Variants in TRPM7 observed in about 807,000 individuals in gnomAD.
The protein encoded by TRPM7 is transient receptor potential cation channel subfamily M member 7, also known as LTRPC ion channel family member 7.
TRPM7 carries 134 observed loss-of-function variants against 229.7 expected under a neutral mutation model. The observed-to-expected ratio is 0.58, with a 90% CI of 0.51 to 0.67. The LOEUF is 0.67. TRPM7 is among the 30% of genes least tolerant of loss of function. The pLI is 0.00. For missense variants in TRPM7, 1,901 were observed against 2,210.0 expected (o/e 0.86, Z 2.80); for synonymous variants, 699 against 715.2 (o/e 0.98, Z 0.36).
At chr15:50,635,122 C>T (rs1432021421) in intron 7 of TRPM7, among the ~76,000 whole-genome samples, 2 of 151,464 alleles carry the variant, frequency 1.3e-5, no homozygotes, top group African/African-American at 2.4e-5. Flanking sequence ...TCAAGACCAT[C>T]CTGGCTAACA....
chr15:50,575,913 G>C lies in TRPM7; in HGVS notation c.4625C>G (p.Thr1542Ser). ...PSEEGTLNGL[T>S]SPFKPAMDTN... ...ATCCATAGCTGGCTTAAATGGAGAA[G>C]TGAGACCTAGAATGGCAAATAAACA... The change falls in exon 32 of 39, where the codon ACT (threonine) becomes AGT (serine). Residue 1542 changes from threonine to serine, a missense_variant. Transcript: ENST00000646667. 6.2e-7 allele frequency: 1 copy of C among 1,613,234 alleles called. No homozygotes were observed. Among genetic ancestry groups the C allele is most frequent in the African/African-American group, 1.3e-5 (1 of 75,012 alleles).
chr15:50,662,859 G>C, intron 2 of TRPM7, 108 bp downstream of exon 2: 1 of 806,976 alleles, frequency 1.2e-6, no homozygotes, highest in Non-Finnish European at 2.0e-6. Flanking sequence ...AAAAGTAACA[G>C]TAAGTACAAA....
intron 12 of TRPM7, among the ~76,000 whole-genome samples, chr15:50,623,630 A>T (rs1212926813): frequency 6.6e-6 from 1 of 152,040 alleles, no homozygotes. Flanking sequence ...AAAACCACTA[A>T]GAAGGGTAGT....
At chr15:50,683,924 A>G (rs1344750522) in intron 1 of TRPM7, among the ~76,000 whole-genome samples, 2 of 151,598 alleles carry the variant, frequency 1.3e-5, no homozygotes, top group Non-Finnish European at 2.9e-5. Flanking sequence ...TGAATGGCGC[A>G]ATCTTGGCTC....
intron 26 of TRPM7, among the ~76,000 whole-genome samples, chr15:50,590,141 C>G (rs570703333): frequency 1.3e-5 from 2 of 152,248 alleles, no homozygotes; most frequent in East Asian, 3.9e-4. Flanking sequence ...CAGGCCTGAG[C>G]CACCGCACCT....
chr15:50,620,309 A>AT (rs1236019660), intron 12 of TRPM7, among the ~76,000 whole-genome samples: 3 of 144,072 alleles, frequency 2.1e-5, no homozygotes, highest in Non-Finnish European at 4.6e-5. Flanking sequence ...AATTTTTTTC[A>AT]ATTTTTTTTT....
intron 15 of TRPM7, among the ~76,000 whole-genome samples, chr15:50,613,223 G>A (rs1005679265): frequency 5.3e-5 from 8 of 152,244 alleles, no homozygotes; most frequent in East Asian, 3.9e-4. Context: ...GAAAATGTAC[G>A]CTGGGCGCGG....
chr15:50,664,246 G>A (rs571542742), intron 1 of TRPM7, among the ~76,000 whole-genome samples: 1 of 148,398 alleles, frequency 6.7e-6, no homozygotes, highest in African/African-American at 2.5e-5. Context: ...GGAGTCGGAG[G>A]TTGCAGTGAG....
chr15:50,658,072 T>C (rs560416666), intron 2 of TRPM7, among the ~76,000 whole-genome samples: 9 of 150,498 alleles, frequency 6.0e-5, no homozygotes, highest in Non-Finnish European at 1.3e-4. Flanking sequence ...TGGCGCAATC[T>C]CAGCTCACTG....
At chr15:50,583,025 G>A in intron 29 of TRPM7, 64 bp downstream of exon 29, 2 of 1,207,128 alleles carry the variant, frequency 1.7e-6, no homozygotes, top group Non-Finnish European at 2.3e-6. Context: ...CCACTTTGTA[G>A]ATCTTATCTA....
At chr15:50,676,069 T>C (rs1259013779) in intron 1 of TRPM7, among the ~76,000 whole-genome samples, 1 of 152,230 alleles carries the variant, frequency 6.6e-6, no homozygotes. Flanking sequence ...GCATGGCACA[T>C]AGTCAAATTT....
At position 50,557,653 on chromosome 15, in the gene TRPM7, TC is replaced by T. The variant is rs1449960137; in HGVS notation, c.*4024del. ...AACATTTGCAGAAAAGAATTCCACATCTTTTTTTTGAGACAGAGTTCTGCTG... is the reference window on the plus strand; with the variant it reads ...AACATTTGCAGAAAAGAATTCCACATTTTTTTTTGAGACAGAGTTCTGCTG... On this transcript the variant is annotated 3_prime_UTR_variant, in exon 39 of 39. Coordinates refer to ENST00000646667, the MANE Select transcript of TRPM7 (RefSeq NM_017672.6). 2.6e-5 allele frequency: 4 copies of T among 152,182 alleles called. No homozygotes were observed. The highest frequency in any genetic ancestry group is 5.9e-5 in the Non-Finnish European group (4 of 68,028). 9.4% of individuals were successfully genotyped at this position (152,182 alleles called of 1,614,324 possible). A position where few individuals can be genotyped will look rare whatever the true frequency, so the allele number is the denominator to read the frequency against.
intron 30 of TRPM7, among the ~76,000 whole-genome samples, chr15:50,579,026 G>C (rs2054273546): frequency 6.6e-6 from 1 of 152,142 alleles, no homozygotes; most frequent in Non-Finnish European, 1.5e-5. Context: ...AGATGACTTT[G>C]CAGGATGCTA....
intron 7 of TRPM7, among the ~76,000 whole-genome samples, chr15:50,636,885 T>G (rs1274348586): frequency 6.6e-6 from 1 of 152,166 alleles, no homozygotes; most frequent in African/African-American, 2.4e-5. Flanking sequence ...ATCCCAGCTC[T>G]TTGGGAGGCC....
intron 1 of TRPM7, among the ~76,000 whole-genome samples, chr15:50,673,512 C>T (rs541909602): frequency 6.6e-6 from 1 of 152,210 alleles, no homozygotes; most frequent in South Asian, 2.1e-4. Context: ...TGAGTGGGAA[C>T]ATATGATGTT....
chr15:50,666,016 G>A (rs1202493527), intron 1 of TRPM7, among the ~76,000 whole-genome samples: 1 of 151,626 alleles, frequency 6.6e-6, no homozygotes, highest in Non-Finnish European at 1.5e-5. Flanking sequence ...TTAAAAAAAA[G>A]GCTGAAAATT....
intron 17 of TRPM7, 90 bp downstream of exon 17, chr15:50,611,003 C>T (rs924245986): frequency 3.0e-6 from 3 of 1,012,304 alleles, no homozygotes; most frequent in African/African-American, 1.6e-5. Flanking sequence ...TACACTCACA[C>T]ATCAAGGCAT....
rs2060133749 is a variant in TRPM7, at chr15:50,613,808, G to A, written c.1669C>T (p.Gln557Ter). Reference protein sequence around the residue: ...SGRNTSSSTPQLRKSHESFGN... With the variant: ...SGRNTSSSTP ...AAAGATTCATGACTCTTTCGCAACTGAGGAGTGCTGCTGGAGGTATTTCGG... is the reference window on the plus strand; with the variant it reads ...AAAGATTCATGACTCTTTCGCAACTAAGGAGTGCTGCTGGAGGTATTTCGG... Residue 557 changes from glutamine (Q) to a stop codon, truncating the protein, a stop_gained, in exon 15 of 39, where the codon CAG becomes TAG. Coordinates refer to ENST00000646667, the MANE Select transcript of TRPM7 (RefSeq NM_017672.6). LOFTEE classifies it high-confidence loss of function. 6.2e-7 allele frequency: 1 copy of A among 1,613,588 alleles called. No homozygotes were observed. The highest frequency in any genetic ancestry group is 1.1e-5 in the South Asian group (1 of 90,914).
chr15:50,652,415 G>A (rs1385991379), intron 3 of TRPM7, among the ~76,000 whole-genome samples: 1 of 145,950 alleles, frequency 6.9e-6, no homozygotes, highest in African/African-American at 2.5e-5. Flanking sequence ...CAAAAAGCTT[G>A]TCATTGAAAA....
Sources: allele counts gnomAD v4.1 joint callset (sites outside exome capture counted in the v4.1 genomes callset), GRCh38; gene constraint gnomAD v4.1.1; transcripts MANE v1.5; gene names NCBI Gene and HGNC (gene_info 2026-07-23, HGNC 2026-07-21).